Variants in GATAD2A observed in about 807,000 individuals in gnomAD.
GATAD2A encodes the protein GATA zinc finger domain containing 2A.
GATAD2A carries 12 observed loss-of-function variants against 68.5 expected under a neutral mutation model. The ratio of observed to expected loss-of-function variants is 0.18; its 90% CI spans 0.11 to 0.28. GATAD2A has a LOEUF of 0.28. GATAD2A is among the 10% of genes least tolerant of loss of function. GATAD2A has a pLI of 1.00. For missense variants in GATAD2A, 755 were observed against 868.5 expected (o/e 0.87, Z 1.64); for synonymous variants, 410 against 375.3 (o/e 1.09, Z -1.07).
intron 11 of GATAD2A, among the ~76,000 whole-genome samples, chr19:19,502,960 C>G (rs776924502): frequency 1.3e-5 from 2 of 152,158 alleles, no homozygotes; most frequent in Non-Finnish European, 2.9e-5. Context: ...AACAGTAATG[C>G]GGGGCAGGGG....
chr19:19,417,284 C>T (rs1037673933), intron 1 of GATAD2A, among the ~76,000 whole-genome samples: 2 of 152,130 alleles, frequency 1.3e-5, no homozygotes, highest in African/African-American at 4.8e-5. Context: ...TAAGTGGCCC[C>T]TGCCCTTGAC....
chr19:19,491,842 T>C (rs2059812083), intron 2 of GATAD2A, among the ~76,000 whole-genome samples: 1 of 152,100 alleles, frequency 6.6e-6, no homozygotes, highest in Admixed American at 6.5e-5. Flanking sequence ...CTTCAAGGGG[T>C]TTCCACCATG....
In GATAD2A at chr19:19,457,695, C is replaced by A. The variant is rs112406978; in HGVS notation, c.-6-7645C>A. Among the ~76,000 whole-genome samples the A allele has an allele frequency of 7.2e-3, 1,082 of 150,808 alleles. 9 individuals carry two copies. Among genetic ancestry groups the A allele is most frequent in the African/African-American group, 0.024 (995 of 41,002 alleles). On this transcript the variant is annotated intron_variant, in intron 1 of 11. Coordinates refer to ENST00000683918, the MANE Select transcript of GATAD2A (RefSeq NM_001384528.1). ...GGCGGAGCTTGCAGTGAGCCGAGATCATGCCACTGCACTCCAGCCTGGGCA... is the reference window on the plus strand; with the variant it reads ...GGCGGAGCTTGCAGTGAGCCGAGATAATGCCACTGCACTCCAGCCTGGGCA...
chr19:19,495,655 AC>A (rs2060099522), intron 5 of GATAD2A, 98 bp from the exon 6 acceptor site: 140 of 1,047,962 alleles, frequency 1.3e-4, no homozygotes, highest in Middle Eastern at 2.8e-4. Context: ...AAAAAAAAAA[AC>A]TAGTATGTAC....
intron 1 of GATAD2A, among the ~76,000 whole-genome samples, chr19:19,399,119 G>A (rs1020026922): frequency 1.3e-5 from 2 of 152,200 alleles, no homozygotes; most frequent in African/African-American, 4.8e-5. Context: ...AGCTACTTGG[G>A]AGGCTCAAGC....
chr19:19,411,329 G>A (rs1181047734), intron 1 of GATAD2A, among the ~76,000 whole-genome samples: 2 of 152,236 alleles, frequency 1.3e-5, no homozygotes, highest in African/African-American at 4.8e-5. Flanking sequence ...AAGCCAGGAG[G>A]CAGCCTCTTT....
At chr19:19,442,694 G>A (rs186070984) in intron 1 of GATAD2A, among the ~76,000 whole-genome samples, 3 of 151,568 alleles carry the variant, frequency 2.0e-5, no homozygotes, top group African/African-American at 7.3e-5. Flanking sequence ...TAGCTGTTCC[G>A]GAGGCCAAGG....
intron 1 of GATAD2A, among the ~76,000 whole-genome samples, chr19:19,431,225 G>A (rs1335097986): frequency 3.3e-5 from 5 of 151,310 alleles, no homozygotes; most frequent in African/African-American, 9.7e-5. Context: ...AGTGGAAAGC[G>A]ATTACAGTGT....
At chr19:19,457,668 G>T (rs920067998) in intron 1 of GATAD2A, among the ~76,000 whole-genome samples, 1 of 151,834 alleles carries the variant, frequency 6.6e-6, no homozygotes, top group African/African-American at 2.4e-5. Context: ...GTGAACCCGG[G>T]AGGCGGAGCT....
At position 19,492,813 on chromosome 19, in the gene GATAD2A, T is replaced by C. The variant is rs534619362; in HGVS notation, c.534+101T>C. The C allele has an allele frequency of 4.9e-6, 6 of 1,221,738 alleles. No homozygotes were observed. The East Asian group carries it at 1.5e-4, about 30-fold the overall frequency. 75.7% of individuals were successfully genotyped at this position (1,221,738 alleles called of 1,614,324 possible). A position where few individuals can be genotyped will look rare whatever the true frequency, so the allele number is the denominator to read the frequency against. On this transcript the variant is annotated intron_variant, in intron 4 of 11. Transcript: ENST00000683918. ...CGGCCAGAAAGGTGAAAGGGCTTCCTTGAGGGAGTATAGGGCAAGGTCCCA... is the reference window on the plus strand; with the variant it reads ...CGGCCAGAAAGGTGAAAGGGCTTCCCTGAGGGAGTATAGGGCAAGGTCCCA...
rs2058273697 is a variant in GATAD2A, at chr19:19,471,123, G to A, written c.269+5509G>A. Reference sequence around the variant, plus strand: ...ATACAGAAATTTGCCTGGTGTGGTGGCGTGCACCTGTAGTCCCAGCTACGT... The same window carrying A: ...ATACAGAAATTTGCCTGGTGTGGTGACGTGCACCTGTAGTCCCAGCTACGT... On this transcript the variant is annotated intron_variant, in intron 2 of 11. Transcript: ENST00000683918. 2.0e-5 allele frequency among the ~76,000 whole-genome samples: 3 copies of A among 152,118 alleles called. 1 individual carries two copies. The South Asian group carries it at 6.2e-4, about 32-fold the overall frequency.
At chr19:19,453,066 C>T (rs763263099) in intron 1 of GATAD2A, among the ~76,000 whole-genome samples, 5 of 152,258 alleles carry the variant, frequency 3.3e-5, no homozygotes, top group Non-Finnish European at 7.3e-5. Context: ...ATTCCTCCAG[C>T]AATCAGCCTC....
intron 2 of GATAD2A, among the ~76,000 whole-genome samples, chr19:19,469,621 T>G (rs1219783778): frequency 6.6e-6 from 1 of 151,928 alleles, no homozygotes; most frequent in Non-Finnish European, 1.5e-5. Flanking sequence ...AATACCTCAA[T>G]CAAAAGGCAA....
In GATAD2A at chr19:19,501,225, A is replaced by G. The variant is rs116165580; in HGVS notation, c.1312A>G (p.Met438Val). 1.5e-5 allele frequency: 25 copies of G among 1,613,456 alleles called. No individual in the cohort carries two copies. In the African/African-American group the frequency reaches 2.0e-4, roughly 13 times the overall value. ...RWREEKSGAIMCENCMTTNQK... is the reference protein window; with the variant it reads ...RWREEKSGAIVCENCMTTNQK... ...GCGGGAGGAGAAGAGCGGCGCCATCATGTGTGAGAACTGCATGACAACCAA... is the reference window on the plus strand; with the variant it reads ...GCGGGAGGAGAAGAGCGGCGCCATCGTGTGTGAGAACTGCATGACAACCAA... Residue 438 changes from methionine to valine, a missense_variant, in exon 9 of 12, where the codon ATG becomes GTG. Coordinates refer to ENST00000683918, the MANE Select transcript of GATAD2A (RefSeq NM_001384528.1).
upstream of GATAD2A, among the ~76,000 whole-genome samples, chr19:19,401,241 T>C (rs1223894159): frequency 8.8e-6 from 1 of 113,114 alleles, no homozygotes; most frequent in Non-Finnish European, 1.7e-5. Flanking sequence ...TGAGAAGGAG[T>C]CTCCTTCTGT....
Position 19,465,510 on chromosome 19 carries a change from T to G in GATAD2A, c.165T>G (p.Gly55=), listed in dbSNP as rs1322205885. ...GGGTGACACCTGAGCCGGGAGCAGGTCCAACCCAAGGATTGCTGAGGGCAA... is the reference window on the plus strand; with the variant it reads ...GGGTGACACCTGAGCCGGGAGCAGGGCCAACCCAAGGATTGCTGAGGGCAA... ...DMRVTPEPGA[G]PTQGLLRATE... Residue 55 remains glycine, a synonymous_variant, in exon 2 of 12, where the codon GGT becomes GGG. Coordinates refer to ENST00000683918, the MANE Select transcript of GATAD2A (RefSeq NM_001384528.1). 2.5e-6 allele frequency: 4 copies of G among 1,613,880 alleles called. No homozygotes were observed. The African/African-American group carries it at 5.3e-5, about 22-fold the overall frequency.
At chr19:19,443,731 G>A (rs2075431739) in intron 1 of GATAD2A, among the ~76,000 whole-genome samples, 1 of 152,126 alleles carries the variant, frequency 6.6e-6, no homozygotes, top group East Asian at 1.9e-4. Context: ...AGAAAAGTGT[G>A]AAAATTGGGT....
chr19:19,487,891 C>T (rs2084077061), intron 2 of GATAD2A, among the ~76,000 whole-genome samples: 1 of 152,180 alleles, frequency 6.6e-6, no homozygotes, highest in South Asian at 2.1e-4. Flanking sequence ...CAGCCAGCAG[C>T]CCACCCTGCT....
intron 1 of GATAD2A, among the ~76,000 whole-genome samples, chr19:19,414,836 C>CTTTTT (rs1568713171): frequency 5.5e-5 from 7 of 127,372 alleles, no homozygotes; most frequent in African/African-American, 2.6e-4. Context: ...CACCCTGCCC[C>CTTTTT]CTTTTTTTTT....
Sources: gnomAD v4.1 joint callset for allele counts (sites outside exome capture counted in the v4.1 genomes callset) on GRCh38, gnomAD v4.1.1 for gene constraint, MANE v1.5 for transcripts, NCBI Gene and HGNC (gene_info 2026-07-23, HGNC 2026-07-21) for gene names.